The following NDUFA8 variants were observed in gnomAD, a reference collection of about 807,000 sequenced individuals.
NDUFA8 encodes the protein NADH:ubiquinone oxidoreductase subunit A8, also known as NADH dehydrogenase [ubiquinone] 1 alpha subcomplex subunit 8.
NDUFA8 carries 16 observed loss-of-function variants against 20.9 expected under a neutral mutation model. The ratio of observed to expected loss-of-function variants is 0.77; its 90% CI spans 0.52 to 1.16. NDUFA8 has a LOEUF of 1.16. NDUFA8 is among the 50% of genes most tolerant of loss of function. NDUFA8 has a pLI of 0.00. For missense variants in NDUFA8, 202 were observed against 216.4 expected (o/e 0.93, Z 0.42); for synonymous variants, 70 against 76.1 (o/e 0.92, Z 0.41).
At chr9:122,133,343 G>A in the NDUFA8 span, among the ~76,000 whole-genome samples, 1 of 152,146 alleles carries the variant, frequency 6.6e-6, no homozygotes, top group Non-Finnish European at 1.5e-5. Flanking sequence ...CCTTATCCAG[G>A]CAGGAAAGGT....
downstream of NDUFA8, among the ~76,000 whole-genome samples, chr9:122,139,118 TC>T (rs1828784530): frequency 6.6e-6 from 1 of 152,178 alleles, no homozygotes; most frequent in South Asian, 2.1e-4. Context: ...TGCATTAGGC[TC>T]TTCCACACAA....
At chr9:122,151,884 C>A (rs1708688857) in intron 2 of NDUFA8, among the ~76,000 whole-genome samples, 1 of 152,312 alleles carries the variant, frequency 6.6e-6, no homozygotes, top group South Asian at 2.1e-4. Flanking sequence ...GTAATGACAA[C>A]AACCTAGTGA....
At chr9:122,143,445 C>T (rs1166872790), downstream of NDUFA8, among the ~76,000 whole-genome samples, 1 of 152,164 alleles carries the variant, frequency 6.6e-6, no homozygotes, top group Non-Finnish European at 1.5e-5. Context: ...CTTTAACCTG[C>T]CCAGGAGGTA....
downstream of NDUFA8, among the ~76,000 whole-genome samples, chr9:122,143,109 C>T (rs534300455): frequency 2.5e-4 from 38 of 152,184 alleles, no homozygotes; most frequent in African/African-American, 7.0e-4. Flanking sequence ...TGTCCTAGCA[C>T]GTCAGGCAAC....
intron 1 of NDUFA8, among the ~76,000 whole-genome samples, chr9:122,152,877 A>C (rs564757473): frequency 6.6e-6 from 1 of 152,280 alleles, no homozygotes; most frequent in African/African-American, 2.4e-5. Flanking sequence ...GTAGAGAGAA[A>C]AGGGGTGTAG....
At chr9:122,138,866 G>GGC in the NDUFA8 span, among the ~76,000 whole-genome samples, 11 of 19,186 alleles carry the variant, frequency 5.7e-4, no homozygotes, top group Admixed American at 1.8e-3. Context: ...AAGAAGAGGT[G>GGC]GGGGGGGGGC....
At chr9:122,139,023 T>C in the NDUFA8 span, among the ~76,000 whole-genome samples, 1 of 151,996 alleles carries the variant, frequency 6.6e-6, no homozygotes, top group Non-Finnish European at 1.5e-5. Flanking sequence ...GAGGCTGGAC[T>C]TTACCCAGCA....
intron 2 of NDUFA8, among the ~76,000 whole-genome samples, chr9:122,151,557 A>T (rs1212422799): frequency 6.6e-6 from 1 of 152,218 alleles, no homozygotes; most frequent in African/African-American, 2.4e-5. Context: ...TTCCAAAATG[A>T]GGTCAACAGA....
At chr9:122,158,679 A>G (rs1227709549) in intron 1 of NDUFA8, among the ~76,000 whole-genome samples, 1 of 150,668 alleles carries the variant, frequency 6.6e-6, no homozygotes, top group Admixed American at 6.6e-5. Flanking sequence ...ATATATATAT[A>G]TGACCAATTG....
intron 3 of NDUFA8, among the ~76,000 whole-genome samples, chr9:122,145,372 C>A (rs1402448852): frequency 6.6e-6 from 1 of 152,062 alleles, no homozygotes; most frequent in African/African-American, 2.4e-5. Context: ...CCCTGATGGT[C>A]ACAAAAATCT....
At chr9:122,134,960 A>G in the NDUFA8 span, among the ~76,000 whole-genome samples, 1 of 152,218 alleles carries the variant, frequency 6.6e-6, no homozygotes, top group Non-Finnish European at 1.5e-5. Context: ...GAGCTGCACA[A>G]CGGGTTCAAG....
chr9:122,149,668 A>G (rs929528441), intron 2 of NDUFA8, among the ~76,000 whole-genome samples: 5 of 152,218 alleles, frequency 3.3e-5, no homozygotes, highest in Admixed American at 6.5e-5. Flanking sequence ...GAAAATAAAA[A>G]TTGTTTAGGC....
chr9:122,155,887 A>T (rs1829069776), intron 1 of NDUFA8, among the ~76,000 whole-genome samples: 1 of 152,234 alleles, frequency 6.6e-6, no homozygotes, highest in Non-Finnish European at 1.5e-5. Context: ...GAAGGTATAC[A>T]CATGTTGCTG....
chr9:122,141,160 G>C (rs904200617), downstream of NDUFA8, among the ~76,000 whole-genome samples: 1 of 152,194 alleles, frequency 6.6e-6, no homozygotes, highest in Non-Finnish European at 1.5e-5. Flanking sequence ...GTAGAGTATA[G>C]GCTACATAAG....
intron 2 of NDUFA8, 91 bp from the exon 3 acceptor site, chr9:122,148,368 T>C (rs1021165307): frequency 1.6e-5 from 23 of 1,427,814 alleles, no homozygotes; most frequent in Admixed American, 1.3e-4. Flanking sequence ...CTCAAATACA[T>C]AGCCTTGCTT....
At position 122,144,270 on chromosome 9, in the gene NDUFA8, C is replaced by T; in HGVS notation, c.490G>A (p.Gly164Ser). The T allele has an allele frequency of 6.2e-7, 1 of 1,614,092 alleles. No individual in the cohort carries two copies. Among genetic ancestry groups the T allele is most frequent in the Non-Finnish European group, 8.5e-7 (1 of 1,180,016 alleles). Residue 164 changes from glycine to serine, a missense_variant, in exon 4 of 4, where the codon GGC (glycine) becomes AGC (serine). Transcript: ENST00000373768. ...TTGGTCCAGAAATAAAAGCGGCTGC[C>T]ATGTGTGGCAGGCTGCAGATCTCCC... is the stretch of plus-strand genomic sequence containing the variant. ...IEGDLQPATH[G>S]SRFYFWTK
chr9:122,155,706 T>G (rs919973154), intron 1 of NDUFA8, among the ~76,000 whole-genome samples: 1 of 152,208 alleles, frequency 6.6e-6, no homozygotes, highest in African/African-American at 2.4e-5. Flanking sequence ...ACACTCAAAC[T>G]TTTTTAAAAG....
chr9:122,139,380 C>G (rs566268739), downstream of NDUFA8, among the ~76,000 whole-genome samples: 2 of 152,224 alleles, frequency 1.3e-5, no homozygotes, highest in African/African-American at 4.8e-5. Flanking sequence ...TTATATTAAC[C>G]CTGTTTGGTT....
At chr9:122,148,963 A>G (rs1355350936) in intron 2 of NDUFA8, among the ~76,000 whole-genome samples, 1 of 152,234 alleles carries the variant, frequency 6.6e-6, no homozygotes, top group Non-Finnish European at 1.5e-5. Context: ...GTGTATAAAA[A>G]GAATAAGTTT....
Sources: allele counts gnomAD v4.1 joint callset (sites outside exome capture counted in the v4.1 genomes callset), GRCh38; gene constraint gnomAD v4.1.1; transcripts MANE v1.5; gene names NCBI Gene and HGNC (gene_info 2026-07-23, HGNC 2026-07-21).